ZNF91: variants seen among roughly 807,000 people sequenced by gnomAD.
ZNF91 encodes zinc finger protein 91, also known as zinc finger protein 91 (HPF7, HTF10).
In ZNF91, 7 loss-of-function variants were observed where a neutral mutation model predicts 12.6. The observed-to-expected ratio is 0.55, with a 90% confidence interval of 0.31 to 1.04. The LOEUF (loss-of-function observed/expected upper bound fraction) is 1.04, where lower values mean the gene tolerates loss of function less well. ZNF91 is among the 50% of genes least tolerant of loss of function. The probability of loss-of-function intolerance (pLI) is 0.05; values close to 1 mark genes in which losing one functional copy is unlikely to be tolerated. For missense variants in ZNF91, 1,217 were observed against 1,385.4 expected, an observed-to-expected ratio of 0.88 and a Z score of 1.93; for synonymous variants, 453 against 462.6, an observed-to-expected ratio of 0.98 and a Z score of 0.27.
chr19:23,384,761 TC>T (rs946560506), intron 1 of ZNF91: 2 of 633,788 alleles, frequency 3.2e-6, no homozygotes, highest in Admixed American at 4.8e-5. Flanking sequence ...CTGGGTCAGC[TC>T]CCCGGGCATA....
At chr19:23,379,939 A>G (rs1599749762) in intron 1 of ZNF91, among the ~76,000 whole-genome samples, 1 of 152,108 alleles carries the variant, frequency 6.6e-6, no homozygotes, top group Non-Finnish European at 1.5e-5. Context: ...CAATTGCCAC[A>G]GCAGCACTTT....
At chr19:23,308,774 A>G (rs1204340664) in intron 2 of ZNF91, 2 of 152,204 alleles carry the variant, frequency 1.3e-5, no homozygotes, top group Non-Finnish European at 2.9e-5. Context: ...TATCTCTGAC[A>G]TTCTCACCAA....
At chr19:23,395,204 A>G (rs1166880126) in intron 1 of ZNF91, 121 bp downstream of exon 1, 1 of 1,277,236 alleles carries the variant, frequency 7.8e-7, no homozygotes, top group African/African-American at 1.5e-5. Flanking sequence ...CTGGGCAAGG[A>G]GAACCCGGGC....
chr19:23,332,917 T>C (rs966433039), intron 1 of ZNF91, among the ~76,000 whole-genome samples: 18 of 152,178 alleles, frequency 1.2e-4, no homozygotes, highest in African/African-American at 4.1e-4. Flanking sequence ...AGTGAAACCC[T>C]GAACAAAGCC....
At chr19:23,312,940 CTT>C (rs1967495729), upstream of ZNF91, among the ~76,000 whole-genome samples, 1 of 152,168 alleles carries the variant, frequency 6.6e-6, no homozygotes. Flanking sequence ...AAAATTGACT[CTT>C]ATATGTGAAT....
chr19:23,349,657 G>C (rs1029581096), intron 3 of ZNF91, among the ~76,000 whole-genome samples: 1 of 152,092 alleles, frequency 6.6e-6, no homozygotes, highest in African/African-American at 2.4e-5. Flanking sequence ...ACCTACAACT[G>C]AAGTGGACAG....
At chr19:23,324,155 C>T (rs1201928589) in intron 1 of ZNF91, 1 of 148,892 alleles carries the variant, frequency 6.7e-6, no homozygotes, top group African/African-American at 2.5e-5. Context: ...CTTCTCTTTT[C>T]CTCATTCTTT....
In ZNF91 at chr19:23,362,452, T is replaced by C. The variant is rs761670233; in HGVS notation, c.527A>G (p.His176Arg). Residue 176 changes from histidine (H) to arginine (R), a missense_variant, in exon 4 of 4, where the codon CAT (histidine) becomes CGT (arginine). By Grantham distance (29) the His-to-Arg change is conservative. Coordinates refer to ENST00000300619, the MANE Select transcript of ZNF91 (RefSeq NM_003430.4). The stretch of plus-strand genomic sequence containing the variant: ...ACATTTGAAGCATTTCTTTCCAGTA[T>C]GTCTTATCGTATGTCTGTTTGAATT... ...FLNSNRHTIR[H>R]TGKKCFKCKK... The C allele has an allele frequency of 3.1e-6, 5 of 1,612,142 alleles. No homozygotes were observed. The highest frequency in any genetic ancestry group is 4.2e-6 in the Non-Finnish European group (5 of 1,179,478).
chr19:23,360,298 G>T lies in ZNF91; in HGVS notation c.2681C>A (p.Ser894Tyr). The change falls in exon 4 of 4, where the codon TCC (serine) becomes TAC (tyrosine). Residue 894 changes from serine (S) to tyrosine (Y), a missense_variant. By Grantham distance (144) the Ser-to-Tyr change is moderately radical. Coordinates refer to ENST00000300619, the MANE Select transcript of ZNF91 (RefSeq NM_003430.4). ...TCTCTTATGTTCAGTAAGGGTTGAG[G>T]ACCAGATAAATGCTTTGTCACATTC... ...SEECDKAFIW[S>Y]STLTEHKRIH... is the part of the protein sequence containing the mutation. 6.2e-7 allele frequency: 1 copy of T among 1,613,770 alleles called. No homozygotes were observed. The highest frequency in any genetic ancestry group is 8.5e-7 in the Non-Finnish European group (1 of 1,179,852).
Position 23,359,499 on chromosome 19 carries a change from A to G in ZNF91, c.3480T>C (p.Pro1160=). 6.2e-7 allele frequency: 1 copy of G among 1,613,450 alleles called. No homozygotes were observed. Among genetic ancestry groups the G allele is most frequent in the South Asian group, 1.1e-5 (1 of 91,064 alleles). The change falls in exon 4 of 4, where the codon CCT becomes CCC. Residue 1160 remains proline (P), a synonymous_variant. Coordinates refer to ENST00000300619, the MANE Select transcript of ZNF91 (RefSeq NM_003430.4). Reference sequence around the variant, plus strand: ...CGGCCTCCCAAAGTAGTGGGATTACAGGTGTGATAGTATGAATTTTCTTAT... The same window carrying G: ...CGGCCTCCCAAAGTAGTGGGATTACGGGTGTGATAGTATGAATTTTCTTAT... ...TNHKKIHTIT[P]VIPLLWEAEA... is the part of the protein sequence containing the mutation.
intron 3 of ZNF91, among the ~76,000 whole-genome samples, chr19:23,345,014 A>G (rs545305170): frequency 1.3e-5 from 2 of 152,328 alleles, no homozygotes; most frequent in East Asian, 3.9e-4. Flanking sequence ...GTTAACAGGG[A>G]AAAATCCACA....
chr19:23,364,815 TTTA>T (rs1478841796), intron 3 of ZNF91, among the ~76,000 whole-genome samples: 2 of 152,078 alleles, frequency 1.3e-5, no homozygotes, highest in Non-Finnish European at 2.9e-5. Context: ...AACGATAATA[TTTA>T]TACAGGCAAA....
chr19:23,385,993 C>CA (rs1378555752), intron 1 of ZNF91, among the ~76,000 whole-genome samples: 1 of 151,914 alleles, frequency 6.6e-6, no homozygotes, highest in Non-Finnish European at 1.5e-5. Flanking sequence ...AATAAATGGA[C>CA]AAAAATTAGT....
chr19:23,363,895 A>G (rs66494652), intron 3 of ZNF91, among the ~76,000 whole-genome samples: 2 of 152,184 alleles, frequency 1.3e-5, no homozygotes, highest in Non-Finnish European at 2.9e-5. Flanking sequence ...AGTAAGAAAA[A>G]ATGATGTAAA....
chr19:23,323,767 TCTC>T lies in ZNF91; in HGVS notation n.117-14673_117-14671del, dbSNP rs541532249. On this transcript the variant is annotated intron_variant and non_coding_transcript_variant, in intron 1 of 1. Transcript: ENST00000596528. ...TCTCCTCTTTTTCTCATTCTTTTCG[TCTC>T]CTCCTTCTCTTTCTTCTTCCTCCTT... Among the ~76,000 whole-genome samples the T allele has an allele frequency of 5.7e-4, 84 of 147,300 alleles. No homozygotes were observed. The South Asian group carries it at 0.012, about 21-fold the overall frequency.
chr19:23,342,482 T>C (rs1164759687), intron 3 of ZNF91, among the ~76,000 whole-genome samples: 2 of 152,184 alleles, frequency 1.3e-5, no homozygotes, highest in Non-Finnish European at 2.9e-5. Flanking sequence ...TAGTGCTGGA[T>C]ATTGGATTTT....
chr19:23,385,040 C>A, intron 1 of ZNF91: 1 of 1,204,430 alleles, frequency 8.3e-7, no homozygotes, highest in Non-Finnish European at 1.2e-6. Flanking sequence ...GGAGACACCT[C>A]ATGGGGCTCC....
At chr19:23,356,101 A>G (rs538075549), downstream of ZNF91, among the ~76,000 whole-genome samples, 159 of 152,308 alleles carry the variant, frequency 1.0e-3, no homozygotes, top group African/African-American at 3.4e-3. Context: ...CATATGGAAA[A>G]CAGTGTGGAG....
chr19:23,380,641 CAT>C (rs1356892267), intron 1 of ZNF91: 1 of 152,080 alleles, frequency 6.6e-6, no homozygotes, highest in Non-Finnish European at 1.5e-5. Flanking sequence ...ACTGAGATTA[CAT>C]ATAAGATTGA....
Sources: gnomAD v4.1 joint callset for allele counts (sites outside exome capture counted in the v4.1 genomes callset) on GRCh38, gnomAD v4.1.1 for gene constraint, MANE v1.5 for transcripts, NCBI Gene and HGNC (gene_info 2026-07-23, HGNC 2026-07-21) for gene names.